Variants in DAB1 observed in about 807,000 individuals in gnomAD.
The protein encoded by DAB1 is DAB adaptor protein 1.
A neutral mutation model predicts 64.6 loss-of-function variants in DAB1; 15 were observed. The observed-to-expected ratio is 0.23, with a 90% CI of 0.16 to 0.36. The LOEUF (loss-of-function observed/expected upper bound fraction) is 0.36, where lower values mean the gene tolerates loss of function less well. Ranked by LOEUF, DAB1 falls within the 10% of genes least tolerant of loss-of-function variation. The pLI, the probability that DAB1 is intolerant of heterozygous loss-of-function variation, is 1.00. For missense variants in DAB1, 596 were observed against 706.7 expected (o/e 0.84, Z 1.78); for synonymous variants, 235 against 251.9 (o/e 0.93, Z 0.64).
intron 5 of DAB1, chr1:58,056,560 C>A: frequency 1.2e-6 from 1 of 805,218 alleles, no homozygotes; most frequent in Non-Finnish European, 2.2e-6. Context: ...AACCTAACTC[C>A]CCCATTTTCT....
chr1:58,048,974 AC>A (rs1329958628), intron 5 of DAB1: 2 of 827,498 alleles, frequency 2.4e-6, no homozygotes, highest in Non-Finnish European at 4.2e-6. Context: ...ACCAACAAAT[AC>A]CTTTTTCACA....
intron 2 of DAB1, among the ~76,000 whole-genome samples, chr1:57,238,838 T>TGCGC (rs1316572825): frequency 3.1e-5 from 3 of 96,896 alleles, no homozygotes; most frequent in African/African-American, 1.3e-4. Flanking sequence ...CGTGTGCACA[T>TGCGC]GCGCACACAC....
intron 2 of DAB1, among the ~76,000 whole-genome samples, chr1:57,214,862 G>T (rs1178768800): frequency 8.0e-6 from 1 of 124,392 alleles, no homozygotes; most frequent in Non-Finnish European, 1.6e-5. Context: ...CGTGAGCTGA[G>T]ATCACGCCAC....
At chr1:57,038,601 G>C (rs1388520498) in intron 9 of DAB1, among the ~76,000 whole-genome samples, 1 of 152,114 alleles carries the variant, frequency 6.6e-6, no homozygotes, top group Non-Finnish European at 1.5e-5. Context: ...GCAGCTAATA[G>C]TCCTCCTTCT....
chr1:58,160,709 T>G (rs1478924892), intron 4 of DAB1, among the ~76,000 whole-genome samples: 2 of 152,200 alleles, frequency 1.3e-5, no homozygotes, highest in African/African-American at 4.8e-5. Context: ...TGTTATAACA[T>G]GGGTCCTACA....
intron 2 of DAB1, among the ~76,000 whole-genome samples, chr1:58,522,537 A>G (rs904698145): frequency 3.3e-5 from 5 of 152,154 alleles, no homozygotes; most frequent in Non-Finnish European, 5.9e-5. Flanking sequence ...CCAACTTTGT[A>G]CTAAAGTTTT....
chr1:58,373,146 CAA>C (rs1644283721), intron 3 of DAB1, among the ~76,000 whole-genome samples: 1 of 150,576 alleles, frequency 6.6e-6, no homozygotes, highest in Non-Finnish European at 1.5e-5. Context: ...CTTTTCTAAC[CAA>C]AGCATCCAGC....
chr1:57,879,023 G>A (rs79185968), intron 1 of DAB1, among the ~76,000 whole-genome samples: 4,648 of 152,162 alleles, frequency 0.031, 92 homozygotes, highest in Middle Eastern at 0.054. Context: ...TTTTATGGTT[G>A]AATACTATTC....
intron 4 of DAB1, among the ~76,000 whole-genome samples, chr1:58,302,996 C>T (rs1342991520): frequency 1.3e-5 from 2 of 152,236 alleles, no homozygotes; most frequent in East Asian, 3.9e-4. Context: ...CTGCTTTTAT[C>T]ACAGGGGGCT....
In DAB1 at chr1:58,374,354, G is replaced by T. The variant is rs1315361093; in HGVS notation, n.258-30951C>A. On this transcript the variant is annotated intron_variant and non_coding_transcript_variant, in intron 3 of 20. Transcript: ENST00000485760. ...TTTAATCCATCTTGAATTGATTTTT[G>T]TATAAGGTGTAAGGAAGGGATCCAG... 3.8e-4 allele frequency among the ~76,000 whole-genome samples: 45 copies of T among 118,130 alleles called. No homozygotes were observed. In the East Asian group the frequency reaches 0.011, roughly 29 times the overall value. The allele number at this position is 118,130 out of a possible 152,430, so 77.5% of individuals were successfully genotyped here.
intron 2 of DAB1, among the ~76,000 whole-genome samples, chr1:58,516,786 A>T (rs555172648): frequency 1.4e-4 from 22 of 152,310 alleles, no homozygotes; most frequent in Admixed American, 1.4e-3. Context: ...CCAAGCTCAC[A>T]AGATTGACAT....
intron 4 of DAB1, among the ~76,000 whole-genome samples, chr1:58,210,891 G>A (rs745874959): frequency 1.3e-5 from 2 of 152,140 alleles, no homozygotes; most frequent in Non-Finnish European, 2.9e-5. Flanking sequence ...AAGGAATCTG[G>A]GGGCTTAGAC....
intron 5 of DAB1, among the ~76,000 whole-genome samples, chr1:58,118,032 T>C (rs776309071): frequency 1.3e-5 from 2 of 151,688 alleles, no homozygotes; most frequent in Non-Finnish European, 2.9e-5. Flanking sequence ...GCCTCCTGAG[T>C]AGCTGGGATC....
chr1:57,643,520 T>C (rs1408124045), intron 7 of DAB1, among the ~76,000 whole-genome samples: 3 of 152,210 alleles, frequency 2.0e-5, no homozygotes, highest in South Asian at 2.1e-4. Flanking sequence ...TATTCTTTCA[T>C]ATTCAGTGTT....
intron 6 of DAB1, among the ~76,000 whole-genome samples, chr1:57,777,715 C>G (rs1304478116): frequency 3.3e-5 from 5 of 151,892 alleles, no homozygotes; most frequent in African/African-American, 7.2e-5. Flanking sequence ...TTTTAAAGTT[C>G]TTGTTTACTA....
chr1:57,209,434 A>G (rs926684020), intron 2 of DAB1, among the ~76,000 whole-genome samples: 1 of 152,214 alleles, frequency 6.6e-6, no homozygotes, highest in African/African-American at 2.4e-5. Context: ...TGCAGGGATA[A>G]AAGCTTCCAG....
chr1:58,294,865 C>CGTGTGTGTGTGTGTGTGTGTGTGTGT (rs55922554), intron 4 of DAB1, among the ~76,000 whole-genome samples: 2 of 137,634 alleles, frequency 1.5e-5, no homozygotes, highest in Non-Finnish European at 1.6e-5. Context: ...TGGTCCAGAA[C>CGTGTGTGTGTGTGTGTGTGTGTGTGT]GTGTGTGTGT....
intron 4 of DAB1, among the ~76,000 whole-genome samples, chr1:58,300,614 G>GAAAGAA (rs1557726085): frequency 1.5e-3 from 65 of 44,686 alleles, no homozygotes; most frequent in South Asian, 3.4e-3. Context: ...GAAAGAAAGA[G>GAAAGAA]AGAGAGAGAG....
At chr1:57,848,766 A>T (rs896327729) in intron 1 of DAB1, among the ~76,000 whole-genome samples, 1 of 152,180 alleles carries the variant, frequency 6.6e-6, no homozygotes, top group Non-Finnish European at 1.5e-5. Flanking sequence ...CTAGAGCTGG[A>T]GCTGAAGCTG....
Sources: allele counts gnomAD v4.1 joint callset (sites outside exome capture counted in the v4.1 genomes callset), GRCh38; gene constraint gnomAD v4.1.1; transcripts MANE v1.5; gene names NCBI Gene and HGNC (gene_info 2026-07-23, HGNC 2026-07-21).